NPAS3: variants seen among roughly 807,000 people sequenced by gnomAD.
NPAS3 encodes the protein neuronal PAS domain protein 3.
A neutral mutation model predicts 73.1 loss-of-function variants in NPAS3; 14 were observed. That is an observed-to-expected ratio of 0.19 (90% confidence interval 0.13 to 0.30). The LOEUF (loss-of-function observed/expected upper bound fraction) is 0.30, where lower values mean the gene tolerates loss of function less well. Among genes scored for constraint, NPAS3 ranks in the 10% least tolerant of loss-of-function variants. The probability of loss-of-function intolerance (pLI) is 1.00; values close to 1 mark genes in which losing one functional copy is unlikely to be tolerated. For synonymous variants in NPAS3, 620 were observed against 541.5 expected, an observed-to-expected ratio of 1.14 and a Z score of -2.01; for missense variants, 1,096 against 1,250.0, an observed-to-expected ratio of 0.88 and a Z score of 1.86.
chr14:33,666,901 A>G (rs1158118799), intron 5 of NPAS3, among the ~76,000 whole-genome samples: 1 of 152,016 alleles, frequency 6.6e-6, no homozygotes, highest in Non-Finnish European at 1.5e-5. Flanking sequence ...CTTCCCTTTC[A>G]TGTCATTTTC....
intron 5 of NPAS3, among the ~76,000 whole-genome samples, chr14:33,670,647 C>G (rs1000369044): frequency 6.6e-6 from 1 of 151,004 alleles, no homozygotes; most frequent in East Asian, 2.0e-4. Context: ...AACTACAAAT[C>G]CTGACCTGCT....
At chr14:33,378,507 G>A (rs973578692) in intron 4 of NPAS3, among the ~76,000 whole-genome samples, 3 of 152,210 alleles carry the variant, frequency 2.0e-5, no homozygotes, top group South Asian at 2.1e-4. Flanking sequence ...ATGGTGGCAC[G>A]TGCTTGTAAT....
intron 9 of NPAS3, among the ~76,000 whole-genome samples, chr14:33,779,934 C>G (rs1464796761): frequency 6.6e-6 from 1 of 152,208 alleles, no homozygotes; most frequent in East Asian, 1.9e-4. Context: ...CCTCCTCTCC[C>G]CTTTCTTATC....
At chr14:33,119,733 A>G (rs947672383) in intron 2 of NPAS3, among the ~76,000 whole-genome samples, 7 of 152,162 alleles carry the variant, frequency 4.6e-5, no homozygotes, top group Non-Finnish European at 8.8e-5. Flanking sequence ...TAAGGCATTC[A>G]GAATCAAGAT....
chr14:33,472,453 A>G (rs1253214002), intron 4 of NPAS3, among the ~76,000 whole-genome samples: 2 of 152,216 alleles, frequency 1.3e-5, no homozygotes, highest in African/African-American at 4.8e-5. Flanking sequence ...AATACCTTTA[A>G]TGTGAATTAT....
intron 5 of NPAS3, among the ~76,000 whole-genome samples, chr14:33,640,174 G>A (rs749608528): frequency 2.0e-5 from 3 of 150,888 alleles, no homozygotes; most frequent in South Asian, 2.1e-4. Context: ...CCGAGATCGC[G>A]ACAGCGAGAC....
intron 3 of NPAS3, among the ~76,000 whole-genome samples, chr14:33,266,097 T>A (rs2040805322): frequency 6.6e-6 from 1 of 152,172 alleles, no homozygotes; most frequent in South Asian, 2.1e-4. Flanking sequence ...AGAATTGTTA[T>A]AAAAGTGTGA....
intron 7 of NPAS3, among the ~76,000 whole-genome samples, chr14:33,771,347 C>T (rs777668378): frequency 6.6e-6 from 1 of 152,190 alleles, no homozygotes; most frequent in African/African-American, 2.4e-5. Context: ...CAGACAAACA[C>T]ACCCTCTGAT....
At chr14:33,033,345 G>A (rs1253403116) in intron 1 of NPAS3, among the ~76,000 whole-genome samples, 1 of 151,956 alleles carries the variant, frequency 6.6e-6, no homozygotes, top group Non-Finnish European at 1.5e-5. Flanking sequence ...CAGGGGTGGT[G>A]GTGGGTGCCT....
chr14:33,505,465 A>G (rs562692520), intron 4 of NPAS3, among the ~76,000 whole-genome samples: 100 of 152,130 alleles, frequency 6.6e-4, no homozygotes, highest in African/African-American at 2.3e-3. Context: ...ACATGAGCTG[A>G]AATAACATAT....
chr14:33,788,779 A>G (rs967820759), intron 9 of NPAS3, among the ~76,000 whole-genome samples: 2 of 152,066 alleles, frequency 1.3e-5, no homozygotes, highest in African/African-American at 2.4e-5. Flanking sequence ...AAGTTTTCCC[A>G]AGGAAAACTG....
chr14:33,043,667 G>T (rs2040414704), intron 1 of NPAS3, among the ~76,000 whole-genome samples: 1 of 152,144 alleles, frequency 6.6e-6, no homozygotes, highest in Non-Finnish European at 1.5e-5. Context: ...GACAAAGGCT[G>T]TTAACTCTTA....
intron 5 of NPAS3, among the ~76,000 whole-genome samples, chr14:33,623,143 T>C (rs1042043070): frequency 6.6e-6 from 1 of 152,142 alleles, no homozygotes; most frequent in African/African-American, 2.4e-5. Flanking sequence ...GAAGGCTTCC[T>C]GGGAAGAGTC....
intron 2 of NPAS3, among the ~76,000 whole-genome samples, chr14:33,073,358 G>A (rs2041549387): frequency 6.6e-6 from 1 of 152,140 alleles, no homozygotes; most frequent in Admixed American, 6.5e-5. Flanking sequence ...ATTAAATTGA[G>A]GGGAGCAGAC....
intron 2 of NPAS3, among the ~76,000 whole-genome samples, chr14:33,107,889 G>A (rs972902258): frequency 1.3e-5 from 2 of 152,118 alleles, no homozygotes; most frequent in Non-Finnish European, 2.9e-5. Context: ...AAACAATGGT[G>A]ATAACATAGA....
chr14:33,572,248 C>A (rs936407747), intron 5 of NPAS3, among the ~76,000 whole-genome samples: 1 of 152,004 alleles, frequency 6.6e-6, no homozygotes, highest in Non-Finnish European at 1.5e-5. Context: ...ATTCTGTGAG[C>A]CTTATCTCTT....
chr14:33,779,079 G>A (rs1442256794), intron 9 of NPAS3, among the ~76,000 whole-genome samples: 12 of 152,354 alleles, frequency 7.9e-5, no homozygotes, highest in South Asian at 4.1e-4. Flanking sequence ...AGCAGCTCTC[G>A]AAGACAGTGC....
intron 4 of NPAS3, among the ~76,000 whole-genome samples, chr14:33,496,414 A>G (rs922948295): frequency 6.6e-6 from 1 of 152,100 alleles, no homozygotes; most frequent in Non-Finnish European, 1.5e-5. Context: ...ATTTCAGGCC[A>G]AAAATATCCC....
At chr14:33,405,539 G>A (rs2047629061) in intron 4 of NPAS3, among the ~76,000 whole-genome samples, 1 of 152,042 alleles carries the variant, frequency 6.6e-6, no homozygotes, top group African/African-American at 2.4e-5. Context: ...TCAAGTCTTT[G>A]CTATGGAAGT....
Sources: gnomAD v4.1 joint callset for allele counts (sites outside exome capture counted in the v4.1 genomes callset) on GRCh38, gnomAD v4.1.1 for gene constraint, MANE v1.5 for transcripts, NCBI Gene and HGNC (gene_info 2026-07-23, HGNC 2026-07-21) for gene names.